MYLK: variants seen among roughly 807,000 people sequenced by gnomAD.
MYLK encodes the protein myosin light chain kinase, smooth muscle.
In MYLK, 106 loss-of-function variants were observed where a neutral mutation model predicts 203.4. The observed-to-expected ratio is 0.52, with a 90% confidence interval of 0.45 to 0.61. The LOEUF (loss-of-function observed/expected upper bound fraction) is 0.61, where lower values mean the gene tolerates loss of function less well. MYLK is among the 20% of genes least tolerant of loss of function. MYLK has a pLI of 0.00. For missense variants in MYLK, 2,072 were observed against 2,442.3 expected (o/e 0.85, Z 3.20); for synonymous variants, 867 against 959.5 (o/e 0.90, Z 1.78).
chr3:123,751,296 T>C (rs1246341247), intron 5 of MYLK, among the ~76,000 whole-genome samples: 2 of 152,236 alleles, frequency 1.3e-5, no homozygotes, highest in African/African-American at 4.8e-5. Context: ...GGCTTCAGCA[T>C]GGCAGAAGGA....
At chr3:123,734,508 A>T in intron 9 of MYLK, 1 of 355,068 alleles carries the variant, frequency 2.8e-6, no homozygotes, top group East Asian at 4.7e-5. Context: ...AACCTCTGCC[A>T]CCGGTGTCCC....
chr3:123,842,919 G>C (rs930247666), intron 2 of MYLK, among the ~76,000 whole-genome samples: 25 of 152,224 alleles, frequency 1.6e-4, no homozygotes, highest in African/African-American at 6.0e-4. Flanking sequence ...GTCTAATCCA[G>C]ATTTGGCTAG....
At chr3:123,737,583 C>T (rs1361128132) in intron 7 of MYLK, 40 bp from the exon 8 acceptor site, 1 of 1,613,134 alleles carries the variant, frequency 6.2e-7, no homozygotes, top group South Asian at 1.1e-5. Context: ...TACAAATCTG[C>T]TCACCTTCTG....
chr3:123,695,940 T>C (rs1311211104), intron 18 of MYLK, among the ~76,000 whole-genome samples: 1 of 152,066 alleles, frequency 6.6e-6, no homozygotes, highest in Non-Finnish European at 1.5e-5. Context: ...AGGAAAAGAC[T>C]TGGGGGCAGA....
chr3:123,663,702 G>T (rs963863183), intron 23 of MYLK, among the ~76,000 whole-genome samples: 3 of 152,168 alleles, frequency 2.0e-5, no homozygotes, highest in Non-Finnish European at 4.4e-5. Context: ...CATCCCCAGA[G>T]CCTGGAGGGT....
At chr3:123,676,153 G>T (rs1436295436) in intron 20 of MYLK, among the ~76,000 whole-genome samples, 1 of 152,246 alleles carries the variant, frequency 6.6e-6, no homozygotes, top group Admixed American at 6.5e-5. Flanking sequence ...CTGGCTTATG[G>T]GAGACACTGG....
intron 20 of MYLK, among the ~76,000 whole-genome samples, chr3:123,667,603 CAAA>C (rs56812925): frequency 1.7e-5 from 2 of 114,392 alleles, no homozygotes; most frequent in Non-Finnish European, 1.9e-5. Context: ...GACTCTGTCT[CAAA>C]AAAAAAAAAA....
intron 23 of MYLK, among the ~76,000 whole-genome samples, chr3:123,662,564 A>G (rs1560035559): frequency 6.6e-6 from 1 of 152,240 alleles, no homozygotes; most frequent in Admixed American, 6.5e-5. Context: ...ATAGAATGTC[A>G]GAGCTACAAG....
At chr3:123,831,720 C>T in intron 2 of MYLK, 50 bp from the exon 3 acceptor site, 1 of 252,046 alleles carries the variant, frequency 4.0e-6, no homozygotes, top group Non-Finnish European at 8.2e-6. Flanking sequence ...GACAGACACG[C>T]AAAAGGGATG....
At chr3:123,638,821 C>G (rs1254402) in intron 28 of MYLK, 35,242 of 985,404 alleles carry the variant, frequency 0.036, 704 homozygotes, top group Middle Eastern at 0.062. Flanking sequence ...GAGGCTTCAA[C>G]CCCAGGGTGG....
At chr3:123,754,618 G>A (rs1490426621) in intron 4 of MYLK, among the ~76,000 whole-genome samples, 2 of 152,150 alleles carry the variant, frequency 1.3e-5, no homozygotes, top group African/African-American at 4.8e-5. Context: ...GATGCACAGG[G>A]TCTCACAGCC....
At position 123,709,857 on chromosome 3, in the gene MYLK, G is replaced by A. The variant is rs1233552558; in HGVS notation, c.1841C>T (p.Pro614Leu). The A allele has an allele frequency of 6.2e-7, 1 of 1,614,086 alleles. No homozygotes were observed. Among genetic ancestry groups the A allele is most frequent in the Non-Finnish European group, 8.5e-7 (1 of 1,180,042 alleles). Residue 614 changes from proline to leucine, a missense_variant, in exon 14 of 34, where the codon CCT becomes CTT. By Grantham distance (98) the Pro-to-Leu change is moderately conservative. Around this residue, in one of 3 missense-constraint regions of MYLK, gnomAD observed 865 missense variants for 1,016.0 expected, o/e 0.85. Transcript: ENST00000360304. ...TGCAGTGGGCTTGCTGGGAGCCACAGGCAGAAGGTACTCACTCTTCCTGCT... is the reference window on the plus strand; with the variant it reads ...TGCAGTGGGCTTGCTGGGAGCCACAAGCAGAAGGTACTCACTCTTCCTGCT... ...KSSRKSEYLL[P>L]VAPSKPTAPI...
chr3:123,687,925 A>C (rs2060521319), intron 19 of MYLK, among the ~76,000 whole-genome samples: 1 of 152,128 alleles, frequency 6.6e-6, no homozygotes, highest in African/African-American at 2.4e-5. Context: ...CCTGCTTCTC[A>C]AAGTGTTGGT....
At chr3:123,849,216 TC>T (rs2030437016) in intron 2 of MYLK, among the ~76,000 whole-genome samples, 1 of 152,168 alleles carries the variant, frequency 6.6e-6, no homozygotes, top group African/African-American at 2.4e-5. Context: ...GCTCAAGTGA[TC>T]CACACCTTGG....
chr3:123,813,111 C>G (rs1338758289), intron 3 of MYLK, among the ~76,000 whole-genome samples: 2 of 152,212 alleles, frequency 1.3e-5, no homozygotes, highest in African/African-American at 4.8e-5. Flanking sequence ...TCCCTATCTG[C>G]TTAAAGTTAT....
intron 9 of MYLK, chr3:123,734,433 C>T (rs1344490159): frequency 3.8e-6 from 2 of 525,776 alleles, no homozygotes; most frequent in Non-Finnish European, 6.6e-6. Flanking sequence ...CTTGCCTGTC[C>T]CACAACCCTG....
At chr3:123,657,502 G>T in intron 23 of MYLK, 74 bp from the exon 24 acceptor site, 5 of 1,486,968 alleles carry the variant, frequency 3.4e-6, no homozygotes, top group Non-Finnish European at 4.6e-6. Context: ...AATTACCTGT[G>T]TCATGGGGGG....
At chr3:123,645,568 T>C (rs1488285730) in intron 27 of MYLK, among the ~76,000 whole-genome samples, 6 of 152,178 alleles carry the variant, frequency 3.9e-5, no homozygotes, top group Non-Finnish European at 7.4e-5. Flanking sequence ...TTTCACAATA[T>C]CTCTAAAGAT....
intron 3 of MYLK, among the ~76,000 whole-genome samples, chr3:123,812,260 C>T (rs1309756275): frequency 6.6e-6 from 1 of 152,200 alleles, no homozygotes; most frequent in Non-Finnish European, 1.5e-5. Context: ...TTATTGACAG[C>T]ACCTGTTCCT....
Sources: gnomAD v4.1 joint callset for allele counts (sites outside exome capture counted in the v4.1 genomes callset) on GRCh38, gnomAD v4.1.1 for gene constraint, gnomAD v4.1.1 regional missense constraint, MANE v1.5 for transcripts, NCBI Gene and HGNC (gene_info 2026-07-23, HGNC 2026-07-21) for gene names.